Variants in C3 observed in about 807,000 individuals in gnomAD.
C3 encodes the protein complement C3.
In C3, 97 loss-of-function variants were observed where a neutral mutation model predicts 207.9. The ratio of observed to expected loss-of-function variants is 0.47; its 90% CI spans 0.40 to 0.55. The LOEUF (loss-of-function observed/expected upper bound fraction) is 0.55. Among genes scored for constraint, C3 ranks in the 20% least tolerant of loss-of-function variants. C3 has a pLI of 0.00. For missense variants in C3, 1,684 were observed against 2,171.7 expected (o/e 0.78, Z 4.46); for synonymous variants, 848 against 857.6 (o/e 0.99, Z 0.20).
At chr19:6,681,007 T>G (rs1917844851) in intron 35 of C3, among the ~76,000 whole-genome samples, 1 of 151,982 alleles carries the variant, frequency 6.6e-6, no homozygotes, top group Admixed American at 6.6e-5. Context: ...GAGACCAACT[T>G]GAGCAACATA....
chr19:6,690,758 G>A, intron 26 of C3, 31 bp from the exon 27 acceptor site: 1 of 1,551,498 alleles, frequency 6.4e-7, no homozygotes, highest in South Asian at 1.1e-5. Context: ...CAAGGATGGG[G>A]TCACCGGTGT....
rs180716045 is a variant in C3, at chr19:6,699,924, T to C, written c.2441-2130A>G. 1.5e-4 allele frequency among the ~76,000 whole-genome samples: 23 copies of C among 150,186 alleles called. No homozygotes were observed. In the East Asian group the frequency reaches 2.5e-3, roughly 16 times the overall value. On this transcript the variant is annotated intron_variant, in intron 19 of 40. Coordinates refer to ENST00000245907, the MANE Select transcript of C3 (RefSeq NM_000064.4). Reference sequence around the variant, plus strand: ...AATAAGTTATGATATGGTATAATTATAGATATGTAATCAATAATAAATGAT... The same window carrying C: ...AATAAGTTATGATATGGTATAATTACAGATATGTAATCAATAATAAATGAT...
Position 6,718,395 on chromosome 19 carries a change from C to G in C3, c.285G>C (p.Glu95Asp). The G allele has an allele frequency of 6.2e-7, 1 of 1,614,242 alleles. No individual in the cohort carries two copies. Among genetic ancestry groups the G allele is most frequent in the South Asian group, 1.1e-5 (1 of 91,086 alleles). Residue 95 changes from glutamate (E) to aspartate (D), a missense_variant, in exon 3 of 41, where the codon GAG becomes GAC. Physicochemically the swap from Glu to Asp is conservative, Grantham distance 45. Transcript: ENST00000245907. Reference protein sequence around the residue: ...NVTFTIPANREFKSEKGRNKF... With the variant: ...NVTFTIPANRDFKSEKGRNKF... Reference sequence around the variant, plus strand: ...TGTTGCGCCCCTTTTCTGACTTGAACTCCCTGTTGGCTGGGATCTAGGCGT... The same window carrying G: ...TGTTGCGCCCCTTTTCTGACTTGAAGTCCCTGTTGGCTGGGATCTAGGCGT...
At chr19:6,713,631 C>T in intron 7 of C3, 122 bp from the exon 8 acceptor site, 2 of 764,562 alleles carry the variant, frequency 2.6e-6, no homozygotes, top group Admixed American at 2.0e-5. Context: ...TCACCTGGCC[C>T]CACCTCCAGC....
At chr19:6,692,354 T>G (rs1219945581) in intron 26 of C3, among the ~76,000 whole-genome samples, 1 of 151,804 alleles carries the variant, frequency 6.6e-6, no homozygotes, top group East Asian at 1.9e-4. Flanking sequence ...CTCGAAGGAG[T>G]TTTGTGTTTA....
chr19:6,709,611 T>TTCCCCCCCCCCCCCCCCCCCCCCCCC, intron 14 of C3, 73 bp downstream of exon 14: 1 of 1,109,442 alleles, frequency 9.0e-7, no homozygotes. Flanking sequence ...CCCTCTCCAG[T>TTCCCCCCCCCCCCCCCCCCCCCCCCC]CCCACCCACC....
intron 13 of C3, among the ~76,000 whole-genome samples, 162 bp from the exon 14 acceptor site, chr19:6,710,004 AGG>A (rs1967870040): frequency 8.1e-6 from 1 of 124,116 alleles, no homozygotes; most frequent in Non-Finnish European, 1.7e-5. Context: ...GGAGAGAGGG[AGG>A]GAGAGAGAGG....
At chr19:6,688,287 C>G (rs1313088725) in intron 27 of C3, among the ~76,000 whole-genome samples, 3 of 152,056 alleles carry the variant, frequency 2.0e-5, no homozygotes, top group Non-Finnish European at 4.4e-5. Flanking sequence ...CCCCCCTCCA[C>G]CATGCCCGGC....
chr19:6,702,210 A>T lies in C3; in HGVS notation c.2357T>A (p.Ile786Asn), dbSNP rs776156853. The T allele has an allele frequency of 1.3e-6, 2 of 1,588,582 alleles. No homozygotes were observed. Among genetic ancestry groups the T allele is most frequent in the South Asian group, 2.2e-5 (2 of 90,672 alleles). ...AAATATATTCATGAGCTTCGTAGAG[A>T]TTCTGGATGGAGAAGAGGTTGGGGT... Reference protein sequence around the residue: ...EDLKEPPKNGISTKLMNIFLK... With the variant: ...EDLKEPPKNGNSTKLMNIFLK... Residue 786 changes from isoleucine (I) to asparagine (N), a missense_variant and splice_region_variant, in exon 19 of 41, where the codon ATC becomes AAC. Coordinates refer to ENST00000245907, the MANE Select transcript of C3 (RefSeq NM_000064.4).
In C3 at chr19:6,702,140, C is replaced by G; in HGVS notation, c.2427G>C (p.Met809Ile). Residue 809 changes from methionine (M) to isoleucine (I), a missense_variant, in exon 19 of 41, where the codon ATG becomes ATC. Coordinates refer to ENST00000245907, the MANE Select transcript of C3 (RefSeq NM_000064.4). Reference sequence around the variant, plus strand: ...ATCCTCTCTCACCTTTCTTGTCCGACATGCTCACAGCCAGAATCTCCCACG... The same window carrying G: ...ATCCTCTCTCACCTTTCTTGTCCGAGATGCTCACAGCCAGAATCTCCCACG... The part of the protein sequence containing the change: ...ITTWEILAVS[M>I]SDKKGICVAD... 1 of 1,594,880 alleles carries G rather than the reference C, an allele frequency of 6.3e-7. No homozygotes were observed. Among genetic ancestry groups the G allele is most frequent in the Non-Finnish European group, 8.6e-7 (1 of 1,163,628 alleles).
intron 33 of C3, chr19:6,683,216 A>G (rs896171963): frequency 3.3e-5 from 5 of 152,162 alleles, no homozygotes; most frequent in African/African-American, 1.2e-4. Context: ...GGAGCAAGAC[A>G]AGGTACTAAG....
intron 21 of C3, 97 bp from the exon 22 acceptor site, chr19:6,696,756 G>T: frequency 8.2e-7 from 1 of 1,219,296 alleles, no homozygotes. Context: ...GATCACCCTA[G>T]CATTGCCGGG....
chr19:6,713,576 C>A, intron 7 of C3, 67 bp from the exon 8 acceptor site: 1 of 1,257,374 alleles, frequency 8.0e-7, no homozygotes. Flanking sequence ...CCCAGCTTCT[C>A]CTGCCTGTGC....
At chr19:6,706,616 C>T (rs1967778295) in intron 17 of C3, among the ~76,000 whole-genome samples, 1 of 151,148 alleles carries the variant, frequency 6.6e-6, no homozygotes, top group Non-Finnish European at 1.5e-5. Flanking sequence ...CCTACCCTCT[C>T]AGACAGCGGC....
At chr19:6,688,905 G>A (rs139651907) in intron 27 of C3, among the ~76,000 whole-genome samples, 6 of 152,172 alleles carry the variant, frequency 3.9e-5, no homozygotes, top group Non-Finnish European at 8.8e-5. Context: ...ATCTGACCCA[G>A]GCTGAGCCAA....
intron 35 of C3, 53 bp downstream of exon 35, chr19:6,681,888 T>C: frequency 1.5e-6 from 2 of 1,294,754 alleles, no homozygotes; most frequent in Admixed American, 1.7e-5. Flanking sequence ...ACCAGCCAGA[T>C]AGAGGTCAGG....
In C3 at chr19:6,686,740, C is replaced by G; in HGVS notation, c.3646+6G>C. On this transcript the variant is annotated splice_donor_region_variant and intron_variant, in intron 28 of 40. Transcript: ENST00000245907. ...TCTCCCTTCACCCCTCCAGGCCAAC[C>G]CTCACCTTTGGCTGTGGTCAGAAAT... is the stretch of plus-strand genomic sequence containing the variant. The G allele has an allele frequency of 6.2e-7, 1 of 1,613,496 alleles. No individual in the cohort carries two copies. The highest frequency in any genetic ancestry group is 8.5e-7 in the Non-Finnish European group (1 of 1,180,002).
At position 6,714,189 on chromosome 19, in the gene C3, G is replaced by T; in HGVS notation, c.659C>A (p.Thr220Asn). Reference sequence around the variant, plus strand: ...ACCGTACTCCTTCACCTCAAACTCAGTGGAGAAGACCTGCTGTGGTGAGTT... The same window carrying T: ...ACCGTACTCCTTCACCTCAAACTCATTGGAGAAGACCTGCTGTGGTGAGTT... ...YENSPQQVFS[T>N]EFEVKEYVLP... The change falls in exon 6 of 41, where the codon ACT (threonine) becomes AAT (asparagine). Residue 220 changes from threonine (T) to asparagine (N), a missense_variant. Around this residue, in one of 3 missense-constraint regions of C3, gnomAD observed 1,280 missense variants for 1,739.1 expected, o/e 0.74. Coordinates refer to ENST00000245907, the MANE Select transcript of C3 (RefSeq NM_000064.4). 1.2e-6 allele frequency: 2 copies of T among 1,613,728 alleles called. No individual in the cohort carries two copies. Among genetic ancestry groups the T allele is most frequent in the Non-Finnish European group, 1.7e-6 (2 of 1,179,946 alleles).
intron 29 of C3, among the ~76,000 whole-genome samples, 189 bp from the exon 30 acceptor site, chr19:6,685,335 A>G (rs1394683835): frequency 6.6e-6 from 1 of 152,178 alleles, no homozygotes; most frequent in Non-Finnish European, 1.5e-5. Flanking sequence ...TCCGAGAGAC[A>G]GAAACTTACA....
Sources: gnomAD v4.1 joint callset for allele counts (sites outside exome capture counted in the v4.1 genomes callset) on GRCh38, gnomAD v4.1.1 for gene constraint, gnomAD v4.1.1 regional missense constraint, MANE v1.5 for transcripts, NCBI Gene and HGNC (gene_info 2026-07-23, HGNC 2026-07-21) for gene names.